The following MRTFA variants were observed in gnomAD, a reference collection of about 807,000 sequenced individuals.
MRTFA encodes myocardin-related transcription factor A.
Under a neutral mutation model 83.5 loss-of-function variants are expected in MRTFA, and 20 were observed. The observed-to-expected ratio is 0.24, with a 90% CI of 0.17 to 0.35. The LOEUF is 0.35. MRTFA is among the 10% of genes least tolerant of loss of function. The pLI, the probability that MRTFA is intolerant of heterozygous loss-of-function variation, is 1.00. For synonymous variants in MRTFA, 659 were observed against 541.2 expected, an observed-to-expected ratio of 1.22 and a Z score of -3.02; for missense variants, 1,200 against 1,224.7, an observed-to-expected ratio of 0.98 and a Z score of 0.30.
At chr22:40,607,819 T>C (rs528678600) in intron 1 of MRTFA, among the ~76,000 whole-genome samples, 77 of 152,356 alleles carry the variant, frequency 5.1e-4, no homozygotes, top group Non-Finnish European at 1.1e-3. Context: ...TTCCAATTGT[T>C]TAACTTTTGA....
At chr22:40,630,230 C>T (rs2056627932) in intron 1 of MRTFA, among the ~76,000 whole-genome samples, 1 of 151,938 alleles carries the variant, frequency 6.6e-6, no homozygotes, top group Non-Finnish European at 1.5e-5. Flanking sequence ...GCAGGAGAAT[C>T]GCTTGAACCT....
At position 40,464,322 on chromosome 22, in the gene MRTFA, A is replaced by C. The variant is rs6001922; in HGVS notation, c.242-1036T>G. ...ATGCTGTCTCAGGAAAAAAAAAAAA[A>C]AAAAAAAAAACAACTATCTTTCTTT... On this transcript the variant is annotated intron_variant, in intron 3 of 14. Coordinates refer to ENST00000355630, the MANE Select transcript of MRTFA (RefSeq NM_020831.6). Among the ~76,000 whole-genome samples the C allele has an allele frequency of 7.2e-3, 1,082 of 150,858 alleles. 26 individuals are homozygous for C. The Middle Eastern group carries it at 0.072, about 10-fold the overall frequency.
chr22:40,512,933 C>T (rs1008649312), intron 3 of MRTFA, among the ~76,000 whole-genome samples: 2 of 152,178 alleles, frequency 1.3e-5, no homozygotes, highest in African/African-American at 2.4e-5. Context: ...ATTTGTTAAA[C>T]TATAAATTCT....
At chr22:40,507,778 C>G (rs565949313) in intron 3 of MRTFA, among the ~76,000 whole-genome samples, 1 of 152,084 alleles carries the variant, frequency 6.6e-6, no homozygotes, top group Non-Finnish European at 1.5e-5. Context: ...GCCTGACCAA[C>G]ATGGCGAAAC....
intron 4 of MRTFA, among the ~76,000 whole-genome samples, chr22:40,441,010 T>C (rs1311307933): frequency 1.3e-5 from 2 of 152,182 alleles, no homozygotes; most frequent in Non-Finnish European, 2.9e-5. Flanking sequence ...AGCCAGCATA[T>C]TACTCAAAAC....
At chr22:40,503,802 A>G (rs903031933) in intron 3 of MRTFA, among the ~76,000 whole-genome samples, 1 of 152,142 alleles carries the variant, frequency 6.6e-6, no homozygotes, top group Non-Finnish European at 1.5e-5. Flanking sequence ...CATGCCTGTA[A>G]TCCCAGCTAC....
intron 3 of MRTFA, among the ~76,000 whole-genome samples, chr22:40,484,309 A>G (rs1233494777): frequency 6.6e-6 from 1 of 152,198 alleles, no homozygotes; most frequent in Non-Finnish European, 1.5e-5. Flanking sequence ...AAAGAAATCC[A>G]TAAAATTAAA....
chr22:40,519,252 A>T (rs1406655710), intron 3 of MRTFA, among the ~76,000 whole-genome samples: 3 of 152,208 alleles, frequency 2.0e-5, no homozygotes, highest in African/African-American at 7.2e-5. Flanking sequence ...GGGACCCGAA[A>T]AATGAGTGAG....
intron 3 of MRTFA, among the ~76,000 whole-genome samples, chr22:40,525,333 T>A (rs564605434): frequency 8.7e-4 from 132 of 152,206 alleles, no homozygotes; most frequent in African/African-American, 3.0e-3. Flanking sequence ...TTTTAAAAAA[T>A]TTTTTGTAAA....
intron 4 of MRTFA, among the ~76,000 whole-genome samples, chr22:40,447,281 A>G (rs2053397767): frequency 6.6e-6 from 1 of 151,702 alleles, no homozygotes; most frequent in Admixed American, 6.6e-5. Flanking sequence ...TGAGGCCAGG[A>G]GGTTGAGGCT....
At chr22:40,421,241 G>T in intron 9 of MRTFA, 141 bp from the exon 10 acceptor site, 1 of 949,784 alleles carries the variant, frequency 1.1e-6, no homozygotes, top group Non-Finnish European at 1.5e-6. Flanking sequence ...TTCCCTGTGG[G>T]ACCGTACACC....
Position 40,634,848 on chromosome 22 carries a change from C to G in MRTFA, c.-84+1630G>C, listed in dbSNP as rs574783483. On this transcript the variant is annotated intron_variant, in intron 1 of 14. Coordinates refer to ENST00000355630, the MANE Select transcript of MRTFA (RefSeq NM_020831.6). ...ATAGCATCTGGCAGAGTACTAAGGACATGGAAACTCTCCAATAAATACTTT... is the reference window on the plus strand; with the variant it reads ...ATAGCATCTGGCAGAGTACTAAGGAGATGGAAACTCTCCAATAAATACTTT... Among the ~76,000 whole-genome samples the G allele has an allele frequency of 2.0e-5, 3 of 152,302 alleles. No individual in the cohort carries two copies. The East Asian group carries it at 5.8e-4, about 29-fold the overall frequency.
chr22:40,442,717 G>A (rs1016592589), intron 4 of MRTFA, among the ~76,000 whole-genome samples: 38 of 152,106 alleles, frequency 2.5e-4, no homozygotes, highest in Non-Finnish European at 7.3e-5. Flanking sequence ...TGCTGTAAAG[G>A]ACAAAAGAGG....
At chr22:40,600,756 G>T (rs1393542286) in intron 1 of MRTFA, among the ~76,000 whole-genome samples, 4 of 152,126 alleles carry the variant, frequency 2.6e-5, no homozygotes, top group African/African-American at 9.7e-5. Context: ...GAGGCAGGCG[G>T]ATCACAAGGT....
chr22:40,493,232 G>A (rs1483744370), intron 3 of MRTFA, among the ~76,000 whole-genome samples: 1 of 152,176 alleles, frequency 6.6e-6, no homozygotes, highest in Non-Finnish European at 1.5e-5. Flanking sequence ...AACAGAAGGG[G>A]GAAGATATTA....
At chr22:40,431,541 G>T in intron 5 of MRTFA, 61 bp from the exon 6 acceptor site, 1 of 1,491,108 alleles carries the variant, frequency 6.7e-7, no homozygotes, top group Non-Finnish European at 9.3e-7. Context: ...GGCATGGACA[G>T]GATCACAACA....
At chr22:40,549,290 C>T (rs1055879332) in intron 3 of MRTFA, among the ~76,000 whole-genome samples, 1 of 152,142 alleles carries the variant, frequency 6.6e-6, no homozygotes, top group African/African-American at 2.4e-5. Flanking sequence ...AATTCCATAG[C>T]AGCATAATTC....
intron 3 of MRTFA, among the ~76,000 whole-genome samples, chr22:40,532,780 G>A (rs1207536378): frequency 1.3e-5 from 2 of 152,198 alleles, no homozygotes; most frequent in East Asian, 3.8e-4. Context: ...TCCTTTGAGT[G>A]AAAGCCAGTG....
chr22:40,505,043 C>G (rs751481412), intron 3 of MRTFA, among the ~76,000 whole-genome samples: 3 of 152,000 alleles, frequency 2.0e-5, no homozygotes, highest in Non-Finnish European at 4.4e-5. Context: ...TTTTTTTGGC[C>G]ACAAAATAAA....
Sources: gnomAD v4.1 joint callset for allele counts (sites outside exome capture counted in the v4.1 genomes callset) on GRCh38, gnomAD v4.1.1 for gene constraint, MANE v1.5 for transcripts, NCBI Gene and HGNC (gene_info 2026-07-23, HGNC 2026-07-21) for gene names.